The following GRXCR2 variants were observed in gnomAD, a reference collection of about 807,000 sequenced individuals.
GRXCR2 encodes the protein glutaredoxin domain-containing cysteine-rich protein 2.
GRXCR2 carries 23 observed loss-of-function variants against 24.8 expected under a neutral mutation model. The ratio of observed to expected loss-of-function variants is 0.93; its 90% CI spans 0.67 to 1.32. GRXCR2 has a LOEUF of 1.32. GRXCR2 is among the 40% of genes most tolerant of loss of function. The probability of loss-of-function intolerance (pLI) is 0.00; values close to 1 mark genes in which losing one functional copy is unlikely to be tolerated. For synonymous variants in GRXCR2, 130 were observed against 116.1 expected, an observed-to-expected ratio of 1.12 and a Z score of -0.77; for missense variants, 315 against 303.4, an observed-to-expected ratio of 1.04 and a Z score of -0.28.
At position 145,859,590 on chromosome 5, in the gene GRXCR2, A is replaced by T; in HGVS notation, c.*143T>A. 1 of 683,640 alleles carries T rather than the reference A, an allele frequency of 1.5e-6. No homozygotes were observed. Among genetic ancestry groups the T allele is most frequent in the Non-Finnish European group, 2.6e-6 (1 of 387,932 alleles). 42.3% of individuals were successfully genotyped at this position (683,640 alleles called of 1,614,324 possible). A position where few individuals can be genotyped will look rare whatever the true frequency, so the allele number is the denominator to read the frequency against. Reference sequence around the variant, plus strand: ...TACCGGCCTCACAAAATGTCATCAGATAATTGAGTTTTGCCAGCAGTGGGA... The same window carrying T: ...TACCGGCCTCACAAAATGTCATCAGTTAATTGAGTTTTGCCAGCAGTGGGA... On this transcript the variant is annotated 3_prime_UTR_variant, in exon 3 of 3. Transcript: ENST00000377976.
In GRXCR2 at chr5:145,893,914, A is replaced by G. The variant is rs560186180; in HGVS notation, c.-69-27186T>C. Among the ~76,000 whole-genome samples, 927 of 152,312 alleles carry G rather than the reference A, an allele frequency of 6.1e-3. 12 individuals are homozygous for G. Among genetic ancestry groups the G allele is most frequent in the African/African-American group, 0.021 (871 of 41,564 alleles). ...CACTCCTCAGCAAATGTAAAAGAAC[A>G]GAAATTATAACAAACTGTCTCTCAG... On this transcript the variant is annotated intron_variant, in intron 2 of 3. Coordinates refer to the GRXCR2 transcript ENST00000639411.
At chr5:145,888,848 T>G (rs1756813666) in intron 2 of GRXCR2, among the ~76,000 whole-genome samples, 1 of 152,180 alleles carries the variant, frequency 6.6e-6, no homozygotes, top group South Asian at 2.1e-4. Flanking sequence ...TTTCCTTTTA[T>G]TGAAAAATAG....
intron 2 of GRXCR2, among the ~76,000 whole-genome samples, chr5:145,917,727 G>A (rs1411207835): frequency 2.0e-5 from 3 of 152,110 alleles, no homozygotes; most frequent in African/African-American, 7.2e-5. Context: ...TGAACATCCA[G>A]GAATAACCCA....
At chr5:145,858,010 T>G (rs771535731), downstream of GRXCR2, among the ~76,000 whole-genome samples, 6 of 152,114 alleles carry the variant, frequency 3.9e-5, no homozygotes, top group Non-Finnish European at 7.4e-5. Flanking sequence ...TGACGGAATA[T>G]TCCTGTCGAA....
chr5:145,895,101 C>T (rs934257801), intron 2 of GRXCR2, among the ~76,000 whole-genome samples: 1 of 152,062 alleles, frequency 6.6e-6, no homozygotes, highest in Non-Finnish European at 1.5e-5. Flanking sequence ...ATGCTAAAAA[C>T]TCTCAATAAA....
chr5:145,918,271 G>C (rs571662488), intron 2 of GRXCR2, among the ~76,000 whole-genome samples: 5 of 152,268 alleles, frequency 3.3e-5, no homozygotes, highest in African/African-American at 1.2e-4. Context: ...AGTAGGGCAG[G>C]CAATTTCATT....
At chr5:145,892,163 T>TA (rs1174056288) in intron 2 of GRXCR2, among the ~76,000 whole-genome samples, 1 of 152,000 alleles carries the variant, frequency 6.6e-6, no homozygotes, top group East Asian at 1.9e-4. Flanking sequence ...CAAAGGTAGA[T>TA]AAAACCACAA....
At chr5:145,927,252 C>A (rs960616535) in intron 2 of GRXCR2, among the ~76,000 whole-genome samples, 1 of 152,128 alleles carries the variant, frequency 6.6e-6, no homozygotes, top group Admixed American at 6.5e-5. Context: ...CTGGCGAGAA[C>A]TTTCAACACT....
downstream of GRXCR2, among the ~76,000 whole-genome samples, chr5:145,858,135 G>A (rs963206979): frequency 2.0e-5 from 3 of 152,040 alleles, no homozygotes; most frequent in East Asian, 1.9e-4. Flanking sequence ...CCAACATGAC[G>A]AAACCCCGTC....
At chr5:145,886,489 A>T (rs115548091) in intron 2 of GRXCR2, among the ~76,000 whole-genome samples, 2,166 of 152,288 alleles carry the variant, frequency 0.014, 55 homozygotes, top group African/African-American at 0.05. Context: ...CTTCATTAAA[A>T]AATAATCATC....
intron 2 of GRXCR2, among the ~76,000 whole-genome samples, chr5:145,895,368 T>C (rs1435375640): frequency 1.3e-5 from 2 of 152,132 alleles, no homozygotes; most frequent in African/African-American, 4.8e-5. Flanking sequence ...GATGACATGA[T>C]TGTATATGTA....
At chr5:145,903,697 T>A (rs1421946604) in intron 2 of GRXCR2, among the ~76,000 whole-genome samples, 3 of 152,128 alleles carry the variant, frequency 2.0e-5, no homozygotes, top group Non-Finnish European at 4.4e-5. Context: ...CAACTCTAAC[T>A]GTGGAGGTTA....
chr5:145,889,255 T>A (rs867737110), intron 2 of GRXCR2, among the ~76,000 whole-genome samples: 1 of 140,984 alleles, frequency 7.1e-6, no homozygotes, highest in Non-Finnish European at 1.6e-5. Flanking sequence ...AATTATGCAA[T>A]GGACTCTGGG....
intron 2 of GRXCR2, among the ~76,000 whole-genome samples, chr5:145,930,594 A>G (rs932365918): frequency 1.3e-5 from 2 of 152,208 alleles, no homozygotes; most frequent in Admixed American, 1.3e-4. Context: ...CGACATTTTA[A>G]AAAAGTACAT....
chr5:145,882,714 C>T (rs1366328058), intron 2 of GRXCR2, among the ~76,000 whole-genome samples: 1 of 152,128 alleles, frequency 6.6e-6, no homozygotes. Context: ...TGTAAAGACA[C>T]ATGCACACGT....
At chr5:145,889,182 AAGAAAG>A (rs1561683104) in intron 2 of GRXCR2, among the ~76,000 whole-genome samples, 32 of 118,630 alleles carry the variant, frequency 2.7e-4, no homozygotes, top group African/African-American at 9.1e-4. Flanking sequence ...AAAAGAAAGA[AAGAAAG>A]AAAGAAAGAA....
At chr5:145,866,134 C>CAAAAAAA (rs71581841) in intron 2 of GRXCR2, among the ~76,000 whole-genome samples, 3 of 85,866 alleles carry the variant, frequency 3.5e-5, no homozygotes, top group African/African-American at 1.0e-4. Context: ...AACTCCTTCT[C>CAAAAAAA]AAAAAAAAAA....
At chr5:145,868,487 C>T (rs142948745) in intron 1 of GRXCR2, among the ~76,000 whole-genome samples, 13 of 152,236 alleles carry the variant, frequency 8.5e-5, no homozygotes, top group African/African-American at 2.9e-4. Context: ...TTCAAGGGAT[C>T]GTGTAGCAGC....
intron 2 of GRXCR2, among the ~76,000 whole-genome samples, chr5:145,895,729 G>A (rs1217862563): frequency 6.6e-6 from 1 of 152,142 alleles, no homozygotes; most frequent in Non-Finnish European, 1.5e-5. Flanking sequence ...TAGATTCAAT[G>A]CCATCCCCAT....
Sources: allele counts gnomAD v4.1 joint callset (sites outside exome capture counted in the v4.1 genomes callset), GRCh38; gene constraint gnomAD v4.1.1; transcripts MANE v1.5; gene names NCBI Gene and HGNC (gene_info 2026-07-23, HGNC 2026-07-21).